MARK3: variants seen among roughly 807,000 people sequenced by gnomAD.
The protein encoded by MARK3 is microtubule affinity regulating kinase 3.
In MARK3, 46 loss-of-function variants were observed where a neutral mutation model predicts 90.1. The observed-to-expected ratio is 0.51, with a 90% CI of 0.40 to 0.65. MARK3 has a LOEUF of 0.65. Among genes scored for constraint, MARK3 ranks in the 30% least tolerant of loss-of-function variants. The pLI, the probability that MARK3 is intolerant of heterozygous loss-of-function variation, is 0.00. For synonymous variants in MARK3, 321 were observed against 332.6 expected (o/e 0.97, Z 0.38); for missense variants, 818 against 947.2 (o/e 0.86, Z 1.79).
intron 6 of MARK3, among the ~76,000 whole-genome samples, chr14:103,459,012 A>T (rs1307464275): frequency 6.6e-6 from 1 of 152,104 alleles, no homozygotes; most frequent in Non-Finnish European, 1.5e-5. Context: ...ATATAATTTG[A>T]TTGTATGGTC....
intron 14 of MARK3, among the ~76,000 whole-genome samples, chr14:103,482,916 A>C (rs1321021788): frequency 6.6e-6 from 1 of 152,182 alleles, no homozygotes; most frequent in African/African-American, 2.4e-5. Context: ...TTGCTTCTGA[A>C]GGTGTCGTCT....
intron 3 of MARK3, among the ~76,000 whole-genome samples, chr14:103,436,326 C>A (rs945558655): frequency 6.6e-6 from 1 of 152,156 alleles, no homozygotes; most frequent in African/African-American, 2.4e-5. Context: ...CAGTTCCTGG[C>A]CTCCTTTCTC....
chr14:103,483,860 A>G (rs1363067118), intron 14 of MARK3, among the ~76,000 whole-genome samples: 2 of 152,360 alleles, frequency 1.3e-5, no homozygotes, highest in East Asian at 1.9e-4. Context: ...TCATGATGGT[A>G]TAGGTTTGCA....
intron 4 of MARK3, among the ~76,000 whole-genome samples, chr14:103,449,252 T>C (rs2093071388): frequency 6.6e-6 from 1 of 151,404 alleles, no homozygotes; most frequent in Non-Finnish European, 1.5e-5. Context: ...CATGAGTAGA[T>C]AGAAGGGAAT....
chr14:103,475,150 T>C lies in MARK3; in HGVS notation c.1422T>C (p.Asn474=). 7 of 1,614,138 alleles carry C rather than the reference T, an allele frequency of 4.3e-6. No individual in the cohort carries two copies. The highest frequency in any genetic ancestry group is 5.1e-6 in the Non-Finnish European group (6 of 1,180,028). Residue 474 remains asparagine, a synonymous_variant, in exon 13 of 18, where the codon AAT becomes AAC. Transcript: ENST00000429436. ...CTCCAGCCAGTCCCATGCTTGGGAATGCAAGTAATCCTAATAAGGCGGATA... is the reference window on the plus strand; with the variant it reads ...CTCCAGCCAGTCCCATGCTTGGGAACGCAAGTAATCCTAATAAGGCGGATA... ...GIAPASPMLG[N]ASNPNKADIP...
At chr14:103,499,892 C>T (rs1282372676) in intron 16 of MARK3, 7 of 439,188 alleles carry the variant, frequency 1.6e-5, no homozygotes, top group African/African-American at 4.5e-5. Context: ...CAGCGTGCAG[C>T]GGTATGGCAT....
At chr14:103,454,748 A>G (rs1446106407) in intron 5 of MARK3, among the ~76,000 whole-genome samples, 1 of 152,198 alleles carries the variant, frequency 6.6e-6, no homozygotes, top group Non-Finnish European at 1.5e-5. Flanking sequence ...TAGAAATTTT[A>G]GGGCAGCGGT....
chr14:103,430,004 A>G (rs1269522505), intron 3 of MARK3, among the ~76,000 whole-genome samples: 1 of 151,658 alleles, frequency 6.6e-6, no homozygotes, highest in Non-Finnish European at 1.5e-5. Context: ...TTTTTTTGGT[A>G]ATGATTTTTC....
chr14:103,497,817 A>G (rs1179205215), intron 15 of MARK3, among the ~76,000 whole-genome samples: 1 of 152,228 alleles, frequency 6.6e-6, no homozygotes, highest in Non-Finnish European at 1.5e-5. Flanking sequence ...TAATAAGGCA[A>G]GATTTTTGTT....
At chr14:103,459,017 A>G (rs575636455) in intron 6 of MARK3, among the ~76,000 whole-genome samples, 1 of 152,138 alleles carries the variant, frequency 6.6e-6, no homozygotes, top group Non-Finnish European at 1.5e-5. Flanking sequence ...ATTTGATTGT[A>G]TGGTCTATTA....
At chr14:103,426,758 T>TA (rs1407320596) in intron 2 of MARK3, among the ~76,000 whole-genome samples, 1 of 152,168 alleles carries the variant, frequency 6.6e-6, no homozygotes, top group Non-Finnish European at 1.5e-5. Flanking sequence ...GGCTGGGGCA[T>TA]ACTCACCCTT....
chr14:103,452,762 C>G (rs1009595219), intron 5 of MARK3, among the ~76,000 whole-genome samples: 1 of 152,130 alleles, frequency 6.6e-6, no homozygotes, highest in Admixed American at 6.5e-5. Flanking sequence ...TGAGCCACCG[C>G]GCCCGGCCAG....
chr14:103,403,823 A>G (rs1375017240), intron 1 of MARK3, among the ~76,000 whole-genome samples: 3 of 152,234 alleles, frequency 2.0e-5, no homozygotes, highest in Admixed American at 2.0e-4. Context: ...TATGGAAATC[A>G]GAATCATTTT....
rs776057283 is a variant in MARK3 at position 103,466,368 on chromosome 14, A to G, written c.923A>G (p.Asn308Ser). The change falls in exon 10 of 18, where the codon AAT becomes AGT. Residue 308 changes from asparagine to serine, a missense_variant. By Grantham distance (46) the Asn-to-Ser change is conservative. Transcript: ENST00000429436. ...CAAATCATGAAGGACAGGTGGATCAATGCAGGGCATGAAGAAGATGAACTC... is the reference window on the plus strand; with the variant it reads ...CAAATCATGAAGGACAGGTGGATCAGTGCAGGGCATGAAGAAGATGAACTC... ...LEQIMKDRWI[N>S]AGHEEDELKP... is the part of the protein sequence containing the mutation. 2.5e-6 allele frequency: 4 copies of G among 1,613,888 alleles called. No homozygotes were observed. The highest frequency in any genetic ancestry group is 1.7e-5 in the Admixed American group (1 of 59,994).
intron 5 of MARK3, among the ~76,000 whole-genome samples, chr14:103,455,684 G>C (rs2093261907): frequency 6.7e-6 from 1 of 149,820 alleles, no homozygotes; most frequent in Non-Finnish European, 1.5e-5. Flanking sequence ...GCCAAGATCG[G>C]GCCACTGCAC....
At chr14:103,495,268 T>C (rs959977017) in intron 15 of MARK3, among the ~76,000 whole-genome samples, 1 of 152,126 alleles carries the variant, frequency 6.6e-6, no homozygotes, top group Admixed American at 6.5e-5. Flanking sequence ...TCACTCAAGG[T>C]CAGGAGTTCA....
At chr14:103,498,415 TTC>T in intron 15 of MARK3, 85 bp from the exon 16 acceptor site, 1 of 970,666 alleles carries the variant, frequency 1.0e-6, no homozygotes, top group Non-Finnish European at 1.4e-6. Context: ...TTTTTTTTCT[TTC>T]TCTCTGTAAT....
At chr14:103,434,758 A>G in intron 3 of MARK3, among the ~76,000 whole-genome samples, 1 of 152,232 alleles carries the variant, frequency 6.6e-6, no homozygotes, top group Non-Finnish European at 1.5e-5. Context: ...AGAAGAATTC[A>G]GAATCTAGTT....
chr14:103,464,904 G>A (rs1015831829), intron 7 of MARK3, among the ~76,000 whole-genome samples: 2 of 152,068 alleles, frequency 1.3e-5, no homozygotes, highest in Non-Finnish European at 2.9e-5. Flanking sequence ...TCACTATGTT[G>A]CCCAAGCTGG....
Sources: gnomAD v4.1 joint callset for allele counts (sites outside exome capture counted in the v4.1 genomes callset) on GRCh38, gnomAD v4.1.1 for gene constraint, MANE v1.5 for transcripts, NCBI Gene and HGNC (gene_info 2026-07-23, HGNC 2026-07-21) for gene names.